The following PCDHGB4 variants were observed in gnomAD, a reference collection of about 807,000 sequenced individuals.
PCDHGB4 encodes the protein protocadherin gamma-B4.
A neutral mutation model predicts 60.5 loss-of-function variants in PCDHGB4; 38 were observed. The observed-to-expected ratio is 0.63, with a 90% CI of 0.48 to 0.82. The LOEUF (loss-of-function observed/expected upper bound fraction) is 0.82. Ranked by LOEUF, PCDHGB4 falls within the 40% of genes least tolerant of loss-of-function variation. The pLI is 0.00. For missense variants in PCDHGB4, 1,109 were observed against 1,209.6 expected (o/e 0.92, Z 1.23); for synonymous variants, 456 against 509.7 (o/e 0.89, Z 1.42).
intron 1 of PCDHGB4, among the ~76,000 whole-genome samples, chr5:141,402,766 A>T (rs1321674206): frequency 6.6e-6 from 1 of 152,232 alleles, no homozygotes; most frequent in African/African-American, 2.4e-5. Context: ...TCAGGACTCC[A>T]TCCGGATTTC....
At chr5:141,439,496 G>A (rs1166315364) in intron 1 of PCDHGB4, among the ~76,000 whole-genome samples, 2 of 152,152 alleles carry the variant, frequency 1.3e-5, no homozygotes, top group Non-Finnish European at 2.9e-5. Context: ...AGTGAGAAAC[G>A]TCTTTCTCTC....
intron 1 of PCDHGB4, among the ~76,000 whole-genome samples, chr5:141,406,686 T>G (rs918855962): frequency 1.3e-5 from 2 of 152,244 alleles, no homozygotes; most frequent in African/African-American, 4.8e-5. Flanking sequence ...TAGGACATTC[T>G]TCTTTTCTAT....
At chr5:141,413,501 G>A (rs772110374) in intron 1 of PCDHGB4, 1 of 1,614,040 alleles carries the variant, frequency 6.2e-7, no homozygotes, top group Non-Finnish European at 8.5e-7. Context: ...TGCGTGGTGA[G>A]TTTTAATATC....
intron 1 of PCDHGB4, chr5:141,430,541 C>T: frequency 2.5e-6 from 1 of 392,344 alleles, no homozygotes; most frequent in Non-Finnish European, 4.5e-6. Flanking sequence ...ACTCTGAGCG[C>T]CGCTGTTCAC....
At position 141,431,248 on chromosome 5, in the gene PCDHGB4, G is replaced by T. The variant is rs1213088915; in HGVS notation, c.2397+40967G>T. ...CCCACGCCTGGGATCCGGATATCGG[G>T]AAGAACTCTCTGCAGAGCTACGAGC... On this transcript the variant is annotated intron_variant, in intron 1 of 3. Coordinates refer to ENST00000519479, the MANE Select transcript of PCDHGB4 (RefSeq NM_003736.4). The surrounding 1 kb of genome is among the most constrained non-coding windows in gnomAD (Gnocchi z 4.8). 6.2e-7 allele frequency: 1 copy of T among 1,614,022 alleles called. No individual in the cohort carries two copies. The highest frequency in any genetic ancestry group is 8.5e-7 in the Non-Finnish European group (1 of 1,180,056).
intron 1 of PCDHGB4, chr5:141,415,772 T>TTTA (rs1561760673): frequency 5.3e-6 from 7 of 1,332,980 alleles, no homozygotes; most frequent in Non-Finnish European, 6.7e-6. Flanking sequence ...TTTTTTTTTT[T>TTTA]ACTTTCTGGT....
At chr5:141,478,617 G>T in intron 1 of PCDHGB4, 1 of 1,556,398 alleles carries the variant, frequency 6.4e-7, no homozygotes, top group South Asian at 1.2e-5. Context: ...AGGAAGGAAT[G>T]GAGCTGTTTT....
chr5:141,415,044 G>T, intron 1 of PCDHGB4: 2 of 1,613,506 alleles, frequency 1.2e-6, no homozygotes, highest in East Asian at 2.2e-5. Flanking sequence ...TCTTCGCGGT[G>T]GGGGAGCACA....
At position 141,444,152 on chromosome 5, in the gene PCDHGB4, A is replaced by ATTT. The variant is rs747671382; in HGVS notation, c.2398-50621_2398-50619dup. 1.9e-3 allele frequency among the ~76,000 whole-genome samples: 66 copies of ATTT among 33,898 alleles called. 23 individuals are homozygous for ATTT. Among genetic ancestry groups the ATTT allele is most frequent in the African/African-American group, 4.6e-3 (33 of 7,184 alleles). The allele number at this position is 33,898 out of a possible 152,430, so 22.2% of individuals were successfully genotyped here. A position where few individuals can be genotyped will look rare whatever the true frequency, so the allele number is the denominator to read the frequency against. On this transcript the variant is annotated intron_variant, in intron 1 of 3. Transcript: ENST00000519479. Reference sequence around the variant, plus strand: ...GATATGTGTCACTTGTGTGTACTGGATTTTTTTTTTTTTTTTTTTTTTTTT... The same window carrying ATTT: ...GATATGTGTCACTTGTGTGTACTGGATTTTTTTTTTTTTTTTTTTTTTTTTTTT...
At chr5:141,451,060 C>T (rs1241509553) in intron 1 of PCDHGB4, among the ~76,000 whole-genome samples, 1 of 151,562 alleles carries the variant, frequency 6.6e-6, no homozygotes, top group African/African-American at 2.4e-5. Context: ...GAACTCCTGA[C>T]CTTGTGATCC....
intron 1 of PCDHGB4, among the ~76,000 whole-genome samples, chr5:141,444,012 G>T (rs1355186604): frequency 1.3e-5 from 2 of 152,058 alleles, no homozygotes; most frequent in African/African-American, 4.8e-5. Flanking sequence ...CTGGGTATTG[G>T]CTTCTAAAAG....
At chr5:141,483,084 CA>C (rs898059463) in intron 1 of PCDHGB4, among the ~76,000 whole-genome samples, 4 of 150,440 alleles carry the variant, frequency 2.7e-5, no homozygotes, top group Middle Eastern at 3.4e-3. Flanking sequence ...GACTCCATCT[CA>C]AAAAAAAAGT....
At chr5:141,492,121 C>G (rs1205499685) in intron 1 of PCDHGB4, among the ~76,000 whole-genome samples, 1 of 152,232 alleles carries the variant, frequency 6.6e-6, no homozygotes, top group Non-Finnish European at 1.5e-5. Context: ...CGATTTCTCC[C>G]CAGCTCCCAG....
intron 1 of PCDHGB4, chr5:141,422,710 G>T: frequency 6.2e-7 from 1 of 1,603,486 alleles, no homozygotes; most frequent in African/African-American, 1.3e-5. Context: ...TCTGACGGAT[G>T]ACACTGTCCA....
chr5:141,395,559 T>TA (rs2093276349), intron 1 of PCDHGB4: 2 of 220,962 alleles, frequency 9.1e-6, no homozygotes, highest in Admixed American at 1.1e-4. Flanking sequence ...TGTGTGTGTG[T>TA]GTGTGTGTGT....
At chr5:141,463,650 A>C (rs1206605758) in intron 1 of PCDHGB4, among the ~76,000 whole-genome samples, 1 of 151,746 alleles carries the variant, frequency 6.6e-6, no homozygotes, top group Non-Finnish European at 1.5e-5. Flanking sequence ...ACGGGGTTTC[A>C]CCGTGTTAGC....
At chr5:141,415,683 G>C in intron 1 of PCDHGB4, 1 of 1,517,194 alleles carries the variant, frequency 6.6e-7, no homozygotes, top group African/African-American at 1.4e-5. Flanking sequence ...TTTGCGGCAT[G>C]ATGGTGGAAA....
At chr5:141,428,021 C>A (rs1185050109) in intron 1 of PCDHGB4, 2 of 1,605,604 alleles carry the variant, frequency 1.2e-6, no homozygotes, top group Non-Finnish European at 1.7e-6. Flanking sequence ...TGCCACGCGC[C>A]GCAGAGTCCG....
At chr5:141,420,341 G>A in intron 1 of PCDHGB4, 5 of 1,391,412 alleles carry the variant, frequency 3.6e-6, no homozygotes, top group Middle Eastern at 1.9e-4. Context: ...CAATATAGTG[G>A]TATTATTTTA....
Sources: gnomAD v4.1 joint callset for allele counts (sites outside exome capture counted in the v4.1 genomes callset) on GRCh38, gnomAD v4.1.1 for gene constraint, Gnocchi (gnomAD v3.1) non-coding constraint, MANE v1.5 for transcripts, NCBI Gene and HGNC (gene_info 2026-07-23, HGNC 2026-07-21) for gene names.